Variants in ADAMTS12 observed in about 807,000 individuals in gnomAD.
The protein encoded by ADAMTS12 is ADAM metallopeptidase with thrombospondin type 1 motif 12.
A neutral mutation model predicts 167.8 loss-of-function variants in ADAMTS12; 118 were observed. The ratio of observed to expected loss-of-function variants is 0.70; its 90% CI spans 0.61 to 0.82. The LOEUF (loss-of-function observed/expected upper bound fraction) is 0.82. ADAMTS12 is among the 40% of genes least tolerant of loss of function. The pLI, the probability that ADAMTS12 is intolerant of heterozygous loss-of-function variation, is 0.00. For missense variants in ADAMTS12, 1,916 were observed against 1,998.8 expected (o/e 0.96, Z 0.79); for synonymous variants, 704 against 716.9 (o/e 0.98, Z 0.29).
intron 12 of ADAMTS12, among the ~76,000 whole-genome samples, chr5:33,633,743 T>TGG (rs1740065954): frequency 6.6e-6 from 1 of 152,082 alleles, no homozygotes; most frequent in African/African-American, 2.4e-5. Context: ...TGGTCTTAAT[T>TGG]CTTGGGAGTC....
chr5:33,619,397 C>T lies in ADAMTS12; in HGVS notation c.2144-3325G>A, dbSNP rs566378576. Among the ~76,000 whole-genome samples, 75 of 152,230 alleles carry T rather than the reference C, an allele frequency of 4.9e-4. 1 individual carries two copies. The highest frequency in any genetic ancestry group is 1.6e-3 in the African/African-American group (68 of 41,546). ...CTTTACTAGTAAAAGTCCTTTTTAG[C>T]ATTTTTGCCCCACAATAGGGCACTT... On this transcript the variant is annotated intron_variant, in intron 14 of 23. Transcript: ENST00000504830.
At chr5:33,594,636 C>T (rs1388194313) in intron 17 of ADAMTS12, among the ~76,000 whole-genome samples, 2 of 152,152 alleles carry the variant, frequency 1.3e-5, no homozygotes. Context: ...ATTTCTAGTT[C>T]TTCCTGGCAA....
At chr5:33,604,925 A>C (rs1429105081) in intron 16 of ADAMTS12, among the ~76,000 whole-genome samples, 1 of 152,250 alleles carries the variant, frequency 6.6e-6, no homozygotes, top group Non-Finnish European at 1.5e-5. Flanking sequence ...ATGCTAAGAC[A>C]AGCTACAAAG....
At chr5:33,891,697 T>C (rs1750861244) in intron 1 of ADAMTS12, 33 bp downstream of exon 1, 2 of 1,612,922 alleles carry the variant, frequency 1.2e-6, no homozygotes, top group African/African-American at 1.3e-5. Context: ...TTACCACCAC[T>C]GTTTTAAAAA....
At chr5:33,752,034 C>T (rs1745009915) in intron 2 of ADAMTS12, among the ~76,000 whole-genome samples, 1 of 152,204 alleles carries the variant, frequency 6.6e-6, no homozygotes, top group Admixed American at 6.5e-5. Context: ...GCACTCTTCA[C>T]TCAAGAAAAC....
At chr5:33,596,160 T>G (rs2112034542) in intron 16 of ADAMTS12, 100 bp from the exon 17 acceptor site, 3 of 1,448,308 alleles carry the variant, frequency 2.1e-6, no homozygotes, top group Middle Eastern at 5.1e-4. Flanking sequence ...TGCTGACGGC[T>G]GATGGGAAAG....
intron 2 of ADAMTS12, among the ~76,000 whole-genome samples, chr5:33,848,847 CA>C (rs1423360537): frequency 2.0e-5 from 3 of 152,036 alleles, no homozygotes; most frequent in Admixed American, 2.0e-4. Flanking sequence ...TATTAGCTTA[CA>C]AACCTGGCTG....
At chr5:33,702,326 C>T (rs1028429932) in intron 3 of ADAMTS12, among the ~76,000 whole-genome samples, 9 of 152,160 alleles carry the variant, frequency 5.9e-5, no homozygotes, top group Admixed American at 1.3e-4. Flanking sequence ...TGCAGCATTA[C>T]CTGGTATTGT....
chr5:33,650,246 T>C (rs1740824448), intron 7 of ADAMTS12, among the ~76,000 whole-genome samples: 1 of 152,178 alleles, frequency 6.6e-6, no homozygotes, highest in Admixed American at 6.5e-5. Context: ...AGACAGATGA[T>C]CTGTATTTGA....
chr5:33,790,641 T>C (rs907395805), intron 2 of ADAMTS12, among the ~76,000 whole-genome samples: 57 of 150,988 alleles, frequency 3.8e-4, no homozygotes, highest in African/African-American at 1.4e-3. Flanking sequence ...TTTTCTCCTG[T>C]AAATTGGTCA....
At chr5:33,596,524 A>G (rs957331920) in intron 16 of ADAMTS12, among the ~76,000 whole-genome samples, 1 of 152,190 alleles carries the variant, frequency 6.6e-6, no homozygotes, top group Non-Finnish European at 1.5e-5. Flanking sequence ...TCTACTAAAA[A>G]TACAAAAATT....
rs906668550 is a variant in ADAMTS12 at position 33,576,387 on chromosome 5, G to A, written c.3639C>T (p.Phe1213=). ...GGAGCAGTCCTTCCATTACTGTGCT[G>A]AAGGGTGGCCACCAGGACTCCCTGC... ...DLSRESWWPP[F]STVMEGLLPS... Residue 1213 remains phenylalanine, a synonymous_variant, in exon 19 of 24, where the codon TTC becomes TTT. Coordinates refer to ENST00000504830, the MANE Select transcript of ADAMTS12 (RefSeq NM_030955.4). The A allele has an allele frequency of 2.5e-6, 4 of 1,614,022 alleles. No homozygotes were observed. The highest frequency in any genetic ancestry group is 3.3e-5 in the Admixed American group (2 of 60,002).
chr5:33,648,787 A>G, intron 9 of ADAMTS12, 35 bp downstream of exon 9: 1 of 1,612,002 alleles, frequency 6.2e-7, no homozygotes, highest in South Asian at 1.1e-5. Flanking sequence ...TGGAGATCTG[A>G]AGCCCTGCAT....
At chr5:33,735,360 C>CTA in intron 3 of ADAMTS12, among the ~76,000 whole-genome samples, 1 of 152,278 alleles carries the variant, frequency 6.6e-6, no homozygotes, top group South Asian at 2.1e-4. Flanking sequence ...AACCAATGGT[C>CTA]TAGACCAGGG....
intron 3 of ADAMTS12, among the ~76,000 whole-genome samples, chr5:33,746,866 CAGA>C (rs1345852234): frequency 6.6e-5 from 10 of 152,168 alleles, no homozygotes; most frequent in African/African-American, 2.4e-4. Context: ...TGAGGCTTTC[CAGA>C]AGAAGAAATG....
At chr5:33,700,239 A>G (rs530148857) in intron 3 of ADAMTS12, among the ~76,000 whole-genome samples, 2 of 152,350 alleles carry the variant, frequency 1.3e-5, no homozygotes, top group East Asian at 3.9e-4. Flanking sequence ...TGTCCACATA[A>G]AAATCTGTAG....
chr5:33,707,782 C>T (rs575477555), intron 3 of ADAMTS12, among the ~76,000 whole-genome samples: 35 of 152,270 alleles, frequency 2.3e-4, no homozygotes, highest in African/African-American at 8.4e-4. Flanking sequence ...CCCTTCCTTA[C>T]ACTTTATACA....
chr5:33,593,666 A>G (rs1197656611), intron 17 of ADAMTS12, among the ~76,000 whole-genome samples: 1 of 151,920 alleles, frequency 6.6e-6, no homozygotes, highest in Non-Finnish European at 1.5e-5. Flanking sequence ...AACATCACAC[A>G]CTGGGGCCTG....
chr5:33,751,558 C>T lies in ADAMTS12; in HGVS notation c.490-10G>A, dbSNP rs1188890595. The T allele has an allele frequency of 3.1e-6, 5 of 1,612,254 alleles. No individual in the cohort carries two copies. The South Asian group carries it at 5.5e-5, about 18-fold the overall frequency. ...GTTGGAAAAATCCAGTCTGTAAATA[C>T]ATTCAGTAAGAAAGTTTATTTTAAC... On this transcript the variant is annotated splice_polypyrimidine_tract_variant and intron_variant, in intron 2 of 23. Transcript: ENST00000504830.
Sources: gnomAD v4.1 joint callset for allele counts (sites outside exome capture counted in the v4.1 genomes callset) on GRCh38, gnomAD v4.1.1 for gene constraint, MANE v1.5 for transcripts, NCBI Gene and HGNC (gene_info 2026-07-23, HGNC 2026-07-21) for gene names.